The following GRID1 variants were observed in gnomAD, a reference collection of about 807,000 sequenced individuals.
GRID1 encodes glutamate receptor ionotropic, delta-1.
GRID1 carries 28 observed loss-of-function variants against 98.0 expected under a neutral mutation model. The ratio of observed to expected loss-of-function variants is 0.29; its 90% CI spans 0.21 to 0.39. The LOEUF (loss-of-function observed/expected upper bound fraction) is 0.39, where lower values mean the gene tolerates loss of function less well. Among genes scored for constraint, GRID1 ranks in the 10% least tolerant of loss-of-function variants. The pLI is 1.00. For synonymous variants in GRID1, 553 were observed against 538.5 expected (o/e 1.03, Z -0.37); for missense variants, 1,111 against 1,340.5 (o/e 0.83, Z 2.67).
intron 3 of GRID1, among the ~76,000 whole-genome samples, chr10:86,201,452 C>T (rs1402991307): frequency 3.9e-5 from 6 of 152,144 alleles, no homozygotes; most frequent in Non-Finnish European, 7.3e-5. Context: ...ATAGCATGTT[C>T]TCACTTATAA....
intron 2 of GRID1, among the ~76,000 whole-genome samples, chr10:86,273,980 C>T (rs1476589418): frequency 6.6e-6 from 1 of 152,052 alleles, no homozygotes; most frequent in Non-Finnish European, 1.5e-5. Flanking sequence ...GACATGAAGT[C>T]CTTGCCCATG....
chr10:85,652,712 C>T (rs903250417), intron 12 of GRID1, among the ~76,000 whole-genome samples: 6 of 152,144 alleles, frequency 3.9e-5, no homozygotes, highest in African/African-American at 1.4e-4. Flanking sequence ...GCACCATGAC[C>T]CACCCTGCTG....
chr10:85,724,324 T>C (rs1229777912), intron 11 of GRID1, 28 bp downstream of exon 11: 1 of 1,577,870 alleles, frequency 6.3e-7, no homozygotes. Context: ...CCTAGAGCTA[T>C]TCAATGATCA....
intron 4 of GRID1, among the ~76,000 whole-genome samples, chr10:86,133,201 G>GCACAAA (rs1390185228): frequency 2.0e-5 from 3 of 150,476 alleles, no homozygotes; most frequent in Non-Finnish European, 4.4e-5. Context: ...GTGTGGATCT[G>GCACAAA]CACAGGTGCA....
intron 10 of GRID1, among the ~76,000 whole-genome samples, chr10:85,725,339 C>T (rs1251296548): frequency 6.6e-6 from 1 of 152,220 alleles, no homozygotes; most frequent in African/African-American, 2.4e-5. Context: ...TGCAAACCCA[C>T]AGGTTTATTC....
At chr10:86,000,909 G>A (rs562232360) in intron 4 of GRID1, among the ~76,000 whole-genome samples, 4 of 147,656 alleles carry the variant, frequency 2.7e-5, no homozygotes, top group African/African-American at 1.0e-4. Context: ...AGCTTTTAGT[G>A]GCACTCTTCA....
chr10:86,216,230 T>C (rs1846175274), intron 2 of GRID1, among the ~76,000 whole-genome samples: 1 of 152,206 alleles, frequency 6.6e-6, no homozygotes, highest in Non-Finnish European at 1.5e-5. Context: ...GCTTAATCCC[T>C]AAGGTCACAA....
intron 2 of GRID1, among the ~76,000 whole-genome samples, chr10:86,227,982 G>A (rs1846383122): frequency 6.6e-6 from 1 of 152,132 alleles, no homozygotes; most frequent in Admixed American, 6.6e-5. Flanking sequence ...ACTGATGGGT[G>A]AATGGATAGA....
chr10:85,750,535 A>G (rs55883843), intron 8 of GRID1, among the ~76,000 whole-genome samples: 5,698 of 152,324 alleles, frequency 0.037, 141 homozygotes, highest in Admixed American at 0.055. Flanking sequence ...AATAACATAA[A>G]AAGCAAGTTG....
chr10:85,890,707 A>G (rs1229774178), intron 5 of GRID1, among the ~76,000 whole-genome samples: 1 of 152,126 alleles, frequency 6.6e-6, no homozygotes, highest in Non-Finnish European at 1.5e-5. Context: ...TCTGAGCACC[A>G]GGCCTGGTAA....
intron 2 of GRID1, among the ~76,000 whole-genome samples, chr10:86,267,646 A>G (rs976093874): frequency 3.3e-5 from 5 of 152,172 alleles, no homozygotes; most frequent in African/African-American, 1.2e-4. Context: ...CACCACACCC[A>G]CTAGCCAGAA....
chr10:85,945,790 AT>A (rs1187681531), intron 4 of GRID1, among the ~76,000 whole-genome samples: 1 of 152,206 alleles, frequency 6.6e-6, no homozygotes, highest in African/African-American at 2.4e-5. Flanking sequence ...GGATTAGAAA[AT>A]TCTGTTTCCA....
At chr10:85,991,804 A>G (rs1353741400) in intron 4 of GRID1, among the ~76,000 whole-genome samples, 1 of 152,332 alleles carries the variant, frequency 6.6e-6, no homozygotes, top group East Asian at 1.9e-4. Flanking sequence ...ATCAGACAAA[A>G]GGAGAGAAAA....
At chr10:85,704,227 T>G (rs977762290) in intron 12 of GRID1, among the ~76,000 whole-genome samples, 1 of 152,066 alleles carries the variant, frequency 6.6e-6, no homozygotes, top group Non-Finnish European at 1.5e-5. Context: ...GAAACCCATC[T>G]CACGTGCAAA....
intron 3 of GRID1, among the ~76,000 whole-genome samples, chr10:86,148,613 G>T (rs913936199): frequency 2.0e-5 from 3 of 152,054 alleles, no homozygotes; most frequent in Non-Finnish European, 4.4e-5. Context: ...TCGATTTTAA[G>T]TGTTCTCACC....
At chr10:86,231,221 G>A (rs188211798) in intron 2 of GRID1, among the ~76,000 whole-genome samples, 328 of 152,306 alleles carry the variant, frequency 2.2e-3, no homozygotes, top group South Asian at 5.0e-3. Flanking sequence ...AGCGGAAATG[G>A]TTGGTTTGCT....
At chr10:85,859,965 G>A (rs562722715) in intron 6 of GRID1, among the ~76,000 whole-genome samples, 1 of 152,292 alleles carries the variant, frequency 6.6e-6, no homozygotes, top group African/African-American at 2.4e-5. Context: ...CATAAAAGAA[G>A]CCTTTCCTCA....
chr10:85,820,027 A>AGGAAGGC, intron 8 of GRID1, among the ~76,000 whole-genome samples: 1 of 66,498 alleles, frequency 1.5e-5, no homozygotes, highest in Non-Finnish European at 2.8e-5. Context: ...GGAAGGAAGG[A>AGGAAGGC]AGGCAGGCAG....
intron 12 of GRID1, among the ~76,000 whole-genome samples, chr10:85,665,412 A>G (rs1200740495): frequency 1.3e-5 from 2 of 152,210 alleles, no homozygotes; most frequent in African/African-American, 4.8e-5. Context: ...AATTCTTATT[A>G]TATTAATTAA....
Sources: gnomAD v4.1 joint callset for allele counts (sites outside exome capture counted in the v4.1 genomes callset) on GRCh38, gnomAD v4.1.1 for gene constraint, MANE v1.5 for transcripts, NCBI Gene and HGNC (gene_info 2026-07-23, HGNC 2026-07-21) for gene names.